The following RALYL variants were observed in gnomAD, a reference collection of about 807,000 sequenced individuals.
RALYL encodes RNA-binding Raly-like protein.
A neutral mutation model predicts 35.1 loss-of-function variants in RALYL; 29 were observed. That is an observed-to-expected ratio of 0.83 (90% CI 0.61 to 1.13). The LOEUF is 1.13. Among genes scored for constraint, RALYL ranks in the 50% most tolerant of loss-of-function variants. The probability of loss-of-function intolerance (pLI) is 0.00; values close to 1 mark genes in which losing one functional copy is unlikely to be tolerated. For missense variants in RALYL, 359 were observed against 360.4 expected (o/e 1.00, Z 0.03); for synonymous variants, 120 against 127.6 (o/e 0.94, Z 0.40).
chr8:84,777,606 G>T (rs1817136637), intron 3 of RALYL, among the ~76,000 whole-genome samples: 2 of 152,016 alleles, frequency 1.3e-5, no homozygotes, highest in African/African-American at 4.8e-5. Context: ...TTGCTTTCCT[G>T]TTCTTTGCAT....
At chr8:84,839,713 C>T (rs1001381625) in intron 4 of RALYL, among the ~76,000 whole-genome samples, 4 of 152,240 alleles carry the variant, frequency 2.6e-5, no homozygotes, top group East Asian at 3.9e-4. Context: ...CTGGGAGGCA[C>T]TCCCCAGTAG....
chr8:84,879,085 C>CA (rs1200177255), intron 7 of RALYL, among the ~76,000 whole-genome samples: 3 of 151,850 alleles, frequency 2.0e-5, no homozygotes, highest in Non-Finnish European at 4.4e-5. Context: ...ACTCTAAAAG[C>CA]AAAAAACAAA....
intron 1 of RALYL, among the ~76,000 whole-genome samples, chr8:84,234,773 T>A (rs6473535): frequency 0.34 from 44,919 of 134,038 alleles, 6,894 homozygotes; most frequent in Middle Eastern, 0.41. Context: ...TTATTTATTT[T>A]TTTTTTTTTG....
In RALYL at chr8:84,904,195, G is replaced by A. The variant is rs554513921; in HGVS notation, c.858+16419G>A. Among the ~76,000 whole-genome samples the A allele has an allele frequency of 7.9e-5, 12 of 152,054 alleles. No individual in the cohort carries two copies. In the South Asian group the frequency reaches 1.7e-3, roughly 21 times the overall value. ...TTTTTACTTCAGTGCCCATTGTTAC[G>A]CCTCATTGTTATTTAAATTCAGACT... is the stretch of plus-strand genomic sequence containing the variant. On this transcript the variant is annotated intron_variant, in intron 8 of 8. Transcript: ENST00000521268.
chr8:84,190,240 A>G lies in RALYL; in HGVS notation c.-24+5816A>G, dbSNP rs536039422. The stretch of plus-strand genomic sequence containing the variant: ...CTACCAACATCTCACCATCAACATC[A>G]TAACACCTCACAATTTTACTGTTAC... On this transcript the variant is annotated intron_variant, in intron 1 of 8. Coordinates refer to ENST00000521268, the MANE Select transcript of RALYL (RefSeq NM_173848.7). 2.1e-3 allele frequency among the ~76,000 whole-genome samples: 319 copies of G among 152,314 alleles called. 1 individual carries two copies. The highest frequency in any genetic ancestry group is 7.4e-3 in the African/African-American group (307 of 41,574).
At chr8:84,395,236 A>T (rs1861539694) in intron 1 of RALYL, among the ~76,000 whole-genome samples, 1 of 151,836 alleles carries the variant, frequency 6.6e-6, no homozygotes, top group Admixed American at 6.6e-5. Flanking sequence ...GGCTTAAAGC[A>T]TTTTTTATTT....
intron 1 of RALYL, among the ~76,000 whole-genome samples, chr8:84,257,054 A>G (rs1444134380): frequency 6.6e-6 from 1 of 152,012 alleles, no homozygotes; most frequent in East Asian, 1.9e-4. Flanking sequence ...CCAATATAAA[A>G]TATTAAACCA....
chr8:84,343,269 T>C (rs1045969128), intron 1 of RALYL, among the ~76,000 whole-genome samples: 7 of 152,124 alleles, frequency 4.6e-5, no homozygotes, highest in Admixed American at 4.6e-4. Context: ...TTACAATTCA[T>C]GGGACTTTTG....
chr8:84,241,924 G>A (rs1029241727), intron 1 of RALYL, among the ~76,000 whole-genome samples: 28 of 152,064 alleles, frequency 1.8e-4, no homozygotes, highest in Admixed American at 1.3e-3. Context: ...GGCCATGGTG[G>A]TTTGTTGCAC....
intron 3 of RALYL, among the ~76,000 whole-genome samples, chr8:84,778,019 G>A (rs1004290247): frequency 6.6e-6 from 1 of 152,080 alleles, no homozygotes; most frequent in Non-Finnish European, 1.5e-5. Flanking sequence ...ATTTATACAA[G>A]ATATATTTAG....
chr8:84,241,736 C>A (rs1184707272), intron 1 of RALYL, among the ~76,000 whole-genome samples: 2 of 149,056 alleles, frequency 1.3e-5, no homozygotes, highest in African/African-American at 5.0e-5. Context: ...CAAGATTGTG[C>A]CACTGCACTC....
At chr8:84,861,359 A>G (rs1838057090) in intron 5 of RALYL, among the ~76,000 whole-genome samples, 1 of 152,202 alleles carries the variant, frequency 6.6e-6, no homozygotes, top group Non-Finnish European at 1.5e-5. Context: ...AATCTGTTGT[A>G]TATGTGGATG....
intron 8 of RALYL, among the ~76,000 whole-genome samples, chr8:84,894,825 G>A (rs1316693551): frequency 6.6e-6 from 1 of 152,022 alleles, no homozygotes; most frequent in Non-Finnish European, 1.5e-5. Flanking sequence ...TGTAGTTAAC[G>A]AACTCTGCCA....
At chr8:84,773,263 T>C (rs1815992512) in intron 2 of RALYL, among the ~76,000 whole-genome samples, 1 of 152,240 alleles carries the variant, frequency 6.6e-6, no homozygotes, top group Non-Finnish European at 1.5e-5. Flanking sequence ...TTGCTAGTTT[T>C]ATGTTGCATT....
At chr8:84,230,300 G>A (rs1420508908) in intron 1 of RALYL, among the ~76,000 whole-genome samples, 1 of 151,930 alleles carries the variant, frequency 6.6e-6, no homozygotes, top group Non-Finnish European at 1.5e-5. Flanking sequence ...TCAAAACAAT[G>A]TATACATGGA....
At chr8:84,405,728 T>G (rs182918382) in intron 1 of RALYL, among the ~76,000 whole-genome samples, 277 of 152,216 alleles carry the variant, frequency 1.8e-3, no homozygotes, top group African/African-American at 6.4e-3. Context: ...ACTAATATAT[T>G]TTTGTAGGAT....
At position 84,920,960 on chromosome 8, in the gene RALYL, AC is replaced by A. The variant is rs1849251471; in HGVS notation, c.*54del. 6 of 1,240,272 alleles carry A rather than the reference AC, an allele frequency of 4.8e-6. No individual in the cohort carries two copies. Among genetic ancestry groups the A allele is most frequent in the African/African-American group, 4.7e-5 (3 of 64,202 alleles). 76.8% of individuals were successfully genotyped at this position (1,240,272 alleles called of 1,614,324 possible). On this transcript the variant is annotated 3_prime_UTR_variant, in exon 9 of 9. Coordinates refer to ENST00000521268, the MANE Select transcript of RALYL (RefSeq NM_173848.7). ...AAAGCAGAAAAGAGAAACTGTGACAACCCCCAGAAATGTGAAAGGAGGTTTC... is the reference window on the plus strand; with the variant it reads ...AAAGCAGAAAAGAGAAACTGTGACAACCCCAGAAATGTGAAAGGAGGTTTC...
intron 3 of RALYL, among the ~76,000 whole-genome samples, chr8:84,776,127 A>G (rs918584602): frequency 1.3e-5 from 2 of 152,196 alleles, no homozygotes; most frequent in African/African-American, 2.4e-5. Context: ...TTATTTTCTG[A>G]TTTAGTATAG....
intron 2 of RALYL, among the ~76,000 whole-genome samples, chr8:84,619,789 A>T (rs368597915): frequency 1.3e-5 from 2 of 150,830 alleles, no homozygotes; most frequent in African/African-American, 2.5e-5. Flanking sequence ...GGCAGGCCTG[A>T]TGGTGACAAA....
Sources: allele counts gnomAD v4.1 joint callset (sites outside exome capture counted in the v4.1 genomes callset), GRCh38; gene constraint gnomAD v4.1.1; transcripts MANE v1.5; gene names NCBI Gene and HGNC (gene_info 2026-07-23, HGNC 2026-07-21).